KDM4C: variants seen among roughly 807,000 people sequenced by gnomAD.
The protein encoded by KDM4C is lysine demethylase 4C.
Under a neutral mutation model 129.3 loss-of-function variants are expected in KDM4C, and 81 were observed. That is an observed-to-expected ratio of 0.63 (90% confidence interval 0.52 to 0.75). KDM4C has a LOEUF of 0.75. Ranked by LOEUF, KDM4C falls within the 30% of genes least tolerant of loss-of-function variation. The pLI is 0.00. For missense variants in KDM4C, 1,457 were observed against 1,304.0 expected (o/e 1.12, Z -1.81); for synonymous variants, 573 against 456.1 (o/e 1.26, Z -3.26).
At chr9:6,812,694 C>T (rs149459085) in intron 3 of KDM4C, among the ~76,000 whole-genome samples, 2 of 152,188 alleles carry the variant, frequency 1.3e-5, no homozygotes, top group East Asian at 3.9e-4. Flanking sequence ...GGCCGCGGAC[C>T]CCTACTGGGG....
intron 1 of KDM4C, among the ~76,000 whole-genome samples, chr9:6,780,768 C>CAAAAA (rs34457968): frequency 3.1e-5 from 1 of 32,150 alleles, no homozygotes; most frequent in Non-Finnish European, 5.1e-5. Flanking sequence ...AACTCCCTCT[C>CAAAAA]AAAAAAAAAA....
intron 1 of KDM4C, chr9:6,734,950 T>G (rs1817474716): frequency 1.7e-6 from 1 of 572,022 alleles, no homozygotes; most frequent in Admixed American, 1.9e-5. Context: ...GAGGGATCTA[T>G]ATGTCTGTCT....
At chr9:6,995,897 T>G (rs917711464) in intron 12 of KDM4C, among the ~76,000 whole-genome samples, 5 of 151,884 alleles carry the variant, frequency 3.3e-5, no homozygotes, top group Non-Finnish European at 5.9e-5. Context: ...GGTCTCGATC[T>G]GACCTCGTGA....
At chr9:7,112,965 C>G (rs1003148211) in intron 18 of KDM4C, among the ~76,000 whole-genome samples, 27 of 151,966 alleles carry the variant, frequency 1.8e-4, no homozygotes, top group Admixed American at 1.7e-3. Context: ...TTGTTTTGAC[C>G]AGCTATACTC....
At chr9:6,818,000 T>A (rs1358843559) in intron 4 of KDM4C, among the ~76,000 whole-genome samples, 3 of 151,858 alleles carry the variant, frequency 2.0e-5, no homozygotes, top group African/African-American at 7.3e-5. Context: ...CTCCTGACCT[T>A]GTGATCTGCC....
At chr9:7,104,401 A>G (rs1294933598) in intron 18 of KDM4C, 4 of 152,692 alleles carry the variant, frequency 2.6e-5, no homozygotes, top group African/African-American at 7.2e-5. Flanking sequence ...AAAATGGCAT[A>G]TGTGAGGGAC....
At chr9:7,165,616 G>A (rs1587958560) in intron 20 of KDM4C, among the ~76,000 whole-genome samples, 1 of 152,368 alleles carries the variant, frequency 6.6e-6, no homozygotes, top group East Asian at 1.9e-4. Context: ...AGAAAGATAA[G>A]TGACTAGAAG....
chr9:7,066,807 T>C (rs16925271), intron 17 of KDM4C, among the ~76,000 whole-genome samples: 27,073 of 152,178 alleles, frequency 0.18, 3,347 homozygotes, highest in African/African-American at 0.35. Context: ...AACTGAGTAG[T>C]GCTGCAGATA....
intron 8 of KDM4C, among the ~76,000 whole-genome samples, chr9:6,936,602 T>C (rs1013041121): frequency 6.6e-6 from 1 of 152,218 alleles, no homozygotes; most frequent in African/African-American, 2.4e-5. Context: ...CTGGTTTAGG[T>C]TGAACGCCAT....
At chr9:6,908,088 G>A (rs1011677619) in intron 8 of KDM4C, among the ~76,000 whole-genome samples, 9 of 152,074 alleles carry the variant, frequency 5.9e-5, no homozygotes, top group Admixed American at 5.2e-4. Flanking sequence ...ATTTGTAATC[G>A]GTATGTTTTA....
At chr9:7,144,101 GT>G (rs538638350) in intron 19 of KDM4C, among the ~76,000 whole-genome samples, 2 of 146,044 alleles carry the variant, frequency 1.4e-5, no homozygotes, top group African/African-American at 2.5e-5. Flanking sequence ...TCCTCTTTTT[GT>G]TTTTTTTTTG....
chr9:6,808,180 C>A (rs867188205), intron 3 of KDM4C, among the ~76,000 whole-genome samples: 1 of 67,066 alleles, frequency 1.5e-5, no homozygotes, highest in African/African-American at 1.0e-4. Flanking sequence ...GCCACCACCC[C>A]GTCTGGGAGG....
intron 8 of KDM4C, among the ~76,000 whole-genome samples, chr9:6,919,255 C>CTTTCTTTCTTTCTTTCTTTCT (rs1554643789): frequency 0.017 from 2,086 of 121,792 alleles, 25 homozygotes; most frequent in East Asian, 0.034. Flanking sequence ...TCTTTTCTTT[C>CTTTCTTTCTTTCTTTCTTTCT]TTTCTTTCTT....
chr9:7,062,903 A>G (rs1831908881), intron 17 of KDM4C, among the ~76,000 whole-genome samples: 1 of 152,154 alleles, frequency 6.6e-6, no homozygotes. Flanking sequence ...ACTATTAGAA[A>G]TATAAACTAA....
intron 8 of KDM4C, among the ~76,000 whole-genome samples, chr9:6,968,344 C>T (rs919949251): frequency 2.6e-5 from 4 of 152,004 alleles, no homozygotes; most frequent in Non-Finnish European, 4.4e-5. Context: ...GAAGAAATGC[C>T]ATCAATTACT....
chr9:6,810,833 TGCCCCCGA>T (rs572430834), intron 3 of KDM4C, among the ~76,000 whole-genome samples: 6 of 152,154 alleles, frequency 3.9e-5, no homozygotes, highest in Non-Finnish European at 8.8e-5. Context: ...ATTGCACCAT[TGCCCCCGA>T]GCCTGGGTGA....
chr9:6,946,717 T>C (rs972563073), intron 8 of KDM4C, among the ~76,000 whole-genome samples: 43 of 152,172 alleles, frequency 2.8e-4, no homozygotes, highest in African/African-American at 9.9e-4. Flanking sequence ...AGTATGTCAC[T>C]CATGTTCTTT....
At chr9:6,785,572 G>T (rs200726862) in intron 1 of KDM4C, among the ~76,000 whole-genome samples, 1 of 152,012 alleles carries the variant, frequency 6.6e-6, no homozygotes, top group South Asian at 2.1e-4. Flanking sequence ...CTCCTGACCT[G>T]GTGATCTGCC....
chr9:7,014,256 G>T (rs1586916710), intron 14 of KDM4C: 2 of 350,050 alleles, frequency 5.7e-6, no homozygotes, highest in South Asian at 1.2e-4. Context: ...GTCCAGTTGA[G>T]GAGTCATGAT....
Sources: gnomAD v4.1 joint callset for allele counts (sites outside exome capture counted in the v4.1 genomes callset) on GRCh38, gnomAD v4.1.1 for gene constraint, MANE v1.5 for transcripts, NCBI Gene and HGNC (gene_info 2026-07-23, HGNC 2026-07-21) for gene names.